Variants in ARHGEF1 observed in about 807,000 individuals in gnomAD.
ARHGEF1 encodes the protein Rho guanine nucleotide exchange factor 1.
A neutral mutation model predicts 119.7 loss-of-function variants in ARHGEF1; 40 were observed. The ratio of observed to expected loss-of-function variants is 0.33; its 90% confidence interval spans 0.26 to 0.44. The LOEUF (loss-of-function observed/expected upper bound fraction) is 0.44, where lower values mean the gene tolerates loss of function less well. ARHGEF1 is among the 20% of genes least tolerant of loss of function. The probability of loss-of-function intolerance (pLI) is 1.00; values close to 1 mark genes in which losing one functional copy is unlikely to be tolerated. For synonymous variants in ARHGEF1, 494 were observed against 521.0 expected, an observed-to-expected ratio of 0.95 and a Z score of 0.71; for missense variants, 976 against 1,268.3, an observed-to-expected ratio of 0.77 and a Z score of 3.50.
chr19:41,918,201 T>C (rs1221370396), upstream of ARHGEF1, among the ~76,000 whole-genome samples: 1 of 151,702 alleles, frequency 6.6e-6, no homozygotes, highest in Non-Finnish European at 1.5e-5. Context: ...CCCACATGTA[T>C]ACGCCACATA....
chr19:41,898,778 C>T (rs1390256426), intron 14 of ARHGEF1, among the ~76,000 whole-genome samples, 191 bp downstream of exon 14: 4 of 152,192 alleles, frequency 2.6e-5, no homozygotes, highest in Non-Finnish European at 5.9e-5. Flanking sequence ...AATGTGAATG[C>T]CACTGTGGAA....
rs1388533516 is a variant in ARHGEF1, at chr19:41,916,631, C to A, written c.1866-6461C>A. ...CCAAGCACACAATCGCACACTGAGA[C>A]AACAGCACACAGAAACAGACACACA... On this transcript the variant is annotated intron_variant, in intron 18 of 20. Transcript: ENST00000599589. The surrounding 1 kb of genome is among the most constrained non-coding windows in gnomAD (Gnocchi z 5.4). Among the ~76,000 whole-genome samples, 4 of 152,110 alleles carry A rather than the reference C, an allele frequency of 2.6e-5. No homozygotes were observed. In the East Asian group the frequency reaches 7.7e-4, roughly 29 times the overall value.
At position 41,907,443 on chromosome 19, in the gene ARHGEF1, T is replaced by C. The variant is rs1163330287; in HGVS notation, c.*356T>C. 6.6e-7 allele frequency: 1 copy of C among 1,513,840 alleles called. No individual in the cohort carries two copies. The highest frequency in any genetic ancestry group is 1.4e-5 in the African/African-American group (1 of 72,162). The allele number at this position is 1,513,840 out of a possible 1,614,324, so 93.8% of individuals were successfully genotyped here. A position where few individuals can be genotyped will look rare whatever the true frequency, so the allele number is the denominator to read the frequency against. On this transcript the variant is annotated 3_prime_UTR_variant, in exon 29 of 29. Transcript: ENST00000354532. ...GAGGTTTATTTTTTAATATATATTA[T>C]CTAAGAAGAGATCTGTGTGTGTGAT...
At chr19:41,920,022 GCGCT>G (rs2074829446), upstream of ARHGEF1, among the ~76,000 whole-genome samples, 1 of 101,118 alleles carries the variant, frequency 9.9e-6, no homozygotes, top group African/African-American at 4.1e-5. Flanking sequence ...CAGACATGAC[GCGCT>G]CACAGACATG....
At chr19:41,924,786 C>T (rs1465607018) in intron 1 of ARHGEF1, among the ~76,000 whole-genome samples, 1 of 152,000 alleles carries the variant, frequency 6.6e-6, no homozygotes, top group Non-Finnish European at 1.5e-5. Context: ...AGGCGCTCCT[C>T]GAGGAGAGAG....
intron 1 of ARHGEF1, among the ~76,000 whole-genome samples, chr19:41,927,044 G>T (rs1890406219): frequency 6.6e-6 from 1 of 152,128 alleles, no homozygotes; most frequent in South Asian, 2.1e-4. Context: ...CAGAGATTTA[G>T]AGAGAGATAG....
intron 1 of ARHGEF1, among the ~76,000 whole-genome samples, chr19:41,924,054 C>T (rs1166479064): frequency 7.2e-5 from 6 of 83,678 alleles, no homozygotes; most frequent in African/African-American, 1.5e-4. Flanking sequence ...TGGCCCCAAA[C>T]AGCTTGTGGG....
chr19:41,907,540 C>T (rs1599669116), downstream of ARHGEF1: 3 of 761,396 alleles, frequency 3.9e-6, no homozygotes, highest in East Asian at 5.8e-5. Flanking sequence ...GGGTCTGTGC[C>T]TCTGCGCCTC....
In ARHGEF1 at chr19:41,892,313, A is replaced by G. The variant is rs2074389757; in HGVS notation, c.325-18A>G. 1 of 1,613,546 alleles carries G rather than the reference A, an allele frequency of 6.2e-7. No individual in the cohort carries two copies. Among genetic ancestry groups the G allele is most frequent in the Non-Finnish European group, 8.5e-7 (1 of 1,179,966 alleles). On this transcript the variant is annotated intron_variant, in intron 5 of 28. Transcript: ENST00000354532. This position sits in a 1 kb window ranked among gnomAD's most constrained non-coding sequence, Gnocchi z 6.3. ...CACACCAAGTCCTCCTCTTCACCCC[A>G]TTCTCTCTCTTGAGCAGGTTCTCCG...
At chr19:41,899,733 G>A (rs1055923374) in intron 14 of ARHGEF1, among the ~76,000 whole-genome samples, 55 of 151,476 alleles carry the variant, frequency 3.6e-4, no homozygotes, top group African/African-American at 1.2e-3. Context: ...GGTCTCGAAC[G>A]CCCGCCTCAG....
chr19:41,917,742 T>G lies in ARHGEF1; in HGVS notation c.1866-5350T>G, dbSNP rs1287172884. Among the ~76,000 whole-genome samples the G allele has an allele frequency of 6.6e-6, 1 of 151,716 alleles. No individual in the cohort carries two copies. Among genetic ancestry groups the G allele is most frequent in the Non-Finnish European group, 1.5e-5 (1 of 67,944 alleles). ...TATCTCTCCTTACGCCACACGCCCA[T>G]GTAGGACACATCTGTGCACACAGTA... On this transcript the variant is annotated intron_variant, in intron 18 of 20. Coordinates refer to the ARHGEF1 transcript ENST00000599589. This position sits in a 1 kb window ranked among gnomAD's most constrained non-coding sequence, Gnocchi z 4.8.
At chr19:41,893,157 CCT>C in intron 7 of ARHGEF1, 115 bp from the exon 8 acceptor site, 1 of 1,394,246 alleles carries the variant, frequency 7.2e-7, no homozygotes, top group Non-Finnish European at 9.9e-7. Context: ...CACAGTGTCC[CCT>C]CTCTGTCTCT....
In ARHGEF1 at chr19:41,883,974, G is replaced by T. The variant is rs1170512645; in HGVS notation, c.-20+685G>T. ...AGTTGTGCTGGAACTCAAGACTATT[G>T]CTTTTCCGGTTCCAAAGGAAGGGGC... On this transcript the variant is annotated intron_variant, in intron 1 of 28. Transcript: ENST00000354532. The surrounding 1 kb of genome is among the most constrained non-coding windows in gnomAD (Gnocchi z 7.6). Among the ~76,000 whole-genome samples, 2 of 152,154 alleles carry T rather than the reference G, an allele frequency of 1.3e-5. No homozygotes were observed. Among genetic ancestry groups the T allele is most frequent in the Non-Finnish European group, 2.9e-5 (2 of 68,012 alleles).
At chr19:41,919,512 T>TACACAC (rs60525805), upstream of ARHGEF1, among the ~76,000 whole-genome samples, 4,304 of 146,556 alleles carry the variant, frequency 0.029, 211 homozygotes, top group African/African-American at 0.095. Flanking sequence ...CGTGCACGCG[T>TACACAC]ACACACACAC....
intron 1 of ARHGEF1, among the ~76,000 whole-genome samples, chr19:41,924,794 G>C (rs967689853): frequency 6.6e-6 from 1 of 152,156 alleles, no homozygotes; most frequent in Admixed American, 6.5e-5. Context: ...CTCGAGGAGA[G>C]AGCTGGTCAG....
In ARHGEF1 at chr19:41,905,008, G is replaced by A; in HGVS notation, c.2221G>A (p.Val741Met). Residue 741 changes from valine to methionine, a missense_variant, in exon 23 of 29, where the codon GTG (valine) becomes ATG (methionine). Physicochemically the swap from Val to Met is conservative, Grantham distance 21. Around this residue, in one of 3 missense-constraint regions of ARHGEF1, gnomAD observed 286 missense variants for 506.8 expected, o/e 0.56. Transcript: ENST00000354532. This position sits in a 1 kb window ranked among gnomAD's most constrained non-coding sequence, Gnocchi z 6.4. ...CCAGGAGGCCCAGATATACGAGCTG[G>A]TGGCACAGACTGTGTCGGAGCGGAA... ...WDQEAQIYELVAQTVSERKNW... is the reference protein window; with the variant it reads ...WDQEAQIYELMAQTVSERKNW... 6.2e-7 allele frequency: 1 copy of A among 1,614,214 alleles called. No individual in the cohort carries two copies. Among genetic ancestry groups the A allele is most frequent in the Non-Finnish European group, 8.5e-7 (1 of 1,180,014 alleles).
upstream of ARHGEF1, among the ~76,000 whole-genome samples, chr19:41,920,626 T>A (rs2074836697): frequency 6.6e-6 from 1 of 152,214 alleles, no homozygotes; most frequent in African/African-American, 2.4e-5. Flanking sequence ...CACCCATACT[T>A]AGTCACCTGT....
upstream of ARHGEF1, among the ~76,000 whole-genome samples, chr19:41,918,762 C>T (rs1555852160): frequency 2.0e-5 from 3 of 149,866 alleles, no homozygotes; most frequent in South Asian, 4.2e-4. Flanking sequence ...ACCACATATA[C>T]ATCTACCACA....
chr19:41,914,090 C>G (rs1030230663), intron 18 of ARHGEF1, among the ~76,000 whole-genome samples: 5 of 130,960 alleles, frequency 3.8e-5, no homozygotes, highest in Non-Finnish European at 3.2e-5. Context: ...CCCCTGGACA[C>G]TGGACAAAAC....
Sources: gnomAD v4.1 joint callset for allele counts (sites outside exome capture counted in the v4.1 genomes callset) on GRCh38, gnomAD v4.1.1 for gene constraint, gnomAD v4.1.1 regional missense constraint, Gnocchi (gnomAD v3.1) non-coding constraint, MANE v1.5 for transcripts, NCBI Gene and HGNC (gene_info 2026-07-23, HGNC 2026-07-21) for gene names.